The following CDYL variants were observed in gnomAD, a reference collection of about 807,000 sequenced individuals.
The protein encoded by CDYL is chromodomain Y like.
A neutral mutation model predicts 47.3 loss-of-function variants in CDYL; 8 were observed. That is an observed-to-expected ratio of 0.17 (90% confidence interval 0.10 to 0.31). CDYL has a LOEUF of 0.31. CDYL is among the 10% of genes least tolerant of loss of function. The probability of loss-of-function intolerance (pLI) is 1.00; values close to 1 mark genes in which losing one functional copy is unlikely to be tolerated. For synonymous variants in CDYL, 266 were observed against 265.0 expected (o/e 1.00, Z -0.04); for missense variants, 471 against 701.4 (o/e 0.67, Z 3.71).
chr6:4,812,450 A>G (rs1432693023), intron 1 of CDYL, among the ~76,000 whole-genome samples: 1 of 152,194 alleles, frequency 6.6e-6, no homozygotes, highest in East Asian at 1.9e-4. Context: ...GAGTGTGAAC[A>G]TTTTTAACTT....
intron 1 of CDYL, among the ~76,000 whole-genome samples, chr6:4,855,297 G>A (rs934854874): frequency 6.6e-6 from 1 of 152,068 alleles, no homozygotes; most frequent in South Asian, 2.1e-4. Context: ...TTTTTTTAGA[G>A]ATGAGGTCTT....
chr6:4,720,954 CATAA>C (rs1296919131), intron 2 of CDYL, among the ~76,000 whole-genome samples: 4 of 152,284 alleles, frequency 2.6e-5, no homozygotes, highest in South Asian at 2.1e-4. Context: ...ATTACCACAG[CATAA>C]ATAAAGATTT....
chr6:4,911,534 A>G (rs1191807773), intron 2 of CDYL, among the ~76,000 whole-genome samples: 1 of 152,156 alleles, frequency 6.6e-6, no homozygotes, highest in South Asian at 2.1e-4. Flanking sequence ...TATTCATGGT[A>G]CTGTTTGCTA....
At chr6:4,950,541 CAGTA>C (rs998054160) in intron 5 of CDYL, among the ~76,000 whole-genome samples, 4 of 152,214 alleles carry the variant, frequency 2.6e-5, no homozygotes, top group Non-Finnish European at 4.4e-5. Context: ...GAACCACTCA[CAGTA>C]AGGTCGGGTC....
chr6:4,819,116 TTCTCTCTCTCTCTCTCTCTCTC>T (rs373718294), intron 1 of CDYL, among the ~76,000 whole-genome samples: 2 of 76,704 alleles, frequency 2.6e-5, no homozygotes, highest in Middle Eastern at 8.2e-3. Flanking sequence ...TTTAGGTTCG[TTCTCTCTCTCTCTCTCTCTCTC>T]TCTCTCTCTC....
At chr6:4,951,727 T>C (rs1216891306) in intron 5 of CDYL, among the ~76,000 whole-genome samples, 2 of 152,108 alleles carry the variant, frequency 1.3e-5, no homozygotes, top group Non-Finnish European at 2.9e-5. Flanking sequence ...ATTTTTTCTG[T>C]ATATTAAAAA....
intron 1 of CDYL, among the ~76,000 whole-genome samples, chr6:4,862,584 C>T (rs1428965700): frequency 6.6e-6 from 1 of 152,162 alleles, no homozygotes; most frequent in Non-Finnish European, 1.5e-5. Flanking sequence ...AGCTCCCTAC[C>T]TTTGGGGGCT....
chr6:4,893,607 C>T (rs752544434), intron 2 of CDYL, among the ~76,000 whole-genome samples: 3 of 151,920 alleles, frequency 2.0e-5, no homozygotes, highest in Non-Finnish European at 4.4e-5. Context: ...GCACAAGAAT[C>T]GCTTGAACCC....
chr6:4,747,276 C>T (rs1006952476), intron 3 of CDYL, among the ~76,000 whole-genome samples: 2 of 139,468 alleles, frequency 1.4e-5, no homozygotes, highest in East Asian at 2.1e-4. Context: ...CACTGCACTC[C>T]AGCCTGGGCG....
At position 4,797,201 on chromosome 6, in the gene CDYL, A is replaced by G. The variant is rs551436197; in HGVS notation, c.24+20394A>G. Among the ~76,000 whole-genome samples the G allele has an allele frequency of 6.6e-4, 101 of 152,270 alleles. 1 individual carries two copies. The highest frequency in any genetic ancestry group is 2.3e-3 in the African/African-American group (97 of 41,558). On this transcript the variant is annotated intron_variant, in intron 1 of 6. Coordinates refer to ENST00000397588, the MANE Select transcript of CDYL (RefSeq NM_004824.4). ...TAATTTATATCCATCTTTCTTGAAG[A>G]CACAATAAGGAAATTCACTGATTAA...
chr6:4,740,789 C>CTTT (rs57810529), intron 3 of CDYL, among the ~76,000 whole-genome samples: 1 of 140,682 alleles, frequency 7.1e-6, no homozygotes, highest in Admixed American at 7.2e-5. Flanking sequence ...ACTCTAAAAT[C>CTTT]TTTTTTTTTT....
intron 5 of CDYL, among the ~76,000 whole-genome samples, 198 bp from the exon 6 acceptor site, chr6:4,952,068 G>A (rs540380638): frequency 5.7e-4 from 86 of 152,196 alleles, no homozygotes; most frequent in African/African-American, 1.8e-3. Flanking sequence ...TCATCAGCCC[G>A]ATAGATTACT....
At chr6:4,811,046 G>T (rs577038102) in intron 1 of CDYL, among the ~76,000 whole-genome samples, 1 of 152,190 alleles carries the variant, frequency 6.6e-6, no homozygotes. Context: ...CAGATCAGCC[G>T]TACAGAGGTC....
chr6:4,893,769 G>A (rs890750025), intron 2 of CDYL, among the ~76,000 whole-genome samples: 4 of 152,056 alleles, frequency 2.6e-5, no homozygotes, highest in African/African-American at 9.7e-5. Flanking sequence ...TAGAATAATA[G>A]CAAACAAAAT....
At chr6:4,874,762 T>C (rs1001867932) in intron 1 of CDYL, among the ~76,000 whole-genome samples, 1 of 152,214 alleles carries the variant, frequency 6.6e-6, no homozygotes, top group African/African-American at 2.4e-5. Context: ...CTCATGTCCC[T>C]TTCCACAGGT....
At chr6:4,761,702 C>G (rs1290344294) in intron 3 of CDYL, among the ~76,000 whole-genome samples, 1 of 152,210 alleles carries the variant, frequency 6.6e-6, no homozygotes, top group Non-Finnish European at 1.5e-5. Context: ...TACCCAAAGA[C>G]CACCTACTCT....
upstream of CDYL, among the ~76,000 whole-genome samples, chr6:4,771,711 C>T (rs1258170114): frequency 1.3e-5 from 2 of 152,218 alleles, no homozygotes; most frequent in Non-Finnish European, 2.9e-5. Flanking sequence ...GTTGTTCTCT[C>T]TCTCTCTTTC....
intron 2 of CDYL, among the ~76,000 whole-genome samples, chr6:4,717,599 G>C (rs961814457): frequency 6.7e-6 from 1 of 150,130 alleles, no homozygotes; most frequent in Non-Finnish European, 1.5e-5. Context: ...TCAGGAGGCT[G>C]AAGTGGGAGG....
At chr6:4,741,834 C>T (rs549957614) in intron 3 of CDYL, among the ~76,000 whole-genome samples, 1 of 152,284 alleles carries the variant, frequency 6.6e-6, no homozygotes, top group South Asian at 2.1e-4. Flanking sequence ...GGTCCTCTGG[C>T]AGATATACTC....
Sources: gnomAD v4.1 joint callset for allele counts (sites outside exome capture counted in the v4.1 genomes callset) on GRCh38, gnomAD v4.1.1 for gene constraint, MANE v1.5 for transcripts, NCBI Gene and HGNC (gene_info 2026-07-23, HGNC 2026-07-21) for gene names.